The following AIM2 variants were observed in gnomAD, a reference collection of about 807,000 sequenced individuals.
AIM2 encodes interferon-inducible protein AIM2.
AIM2 carries 30 observed loss-of-function variants against 27.7 expected under a neutral mutation model. The observed-to-expected ratio is 1.08, with a 90% CI of 0.81 to 1.47. The LOEUF is 1.47. AIM2 is among the 40% of genes most tolerant of loss of function. AIM2 has a pLI of 0.00. For synonymous variants in AIM2, 141 were observed against 145.3 expected (o/e 0.97, Z 0.21); for missense variants, 358 against 411.3 (o/e 0.87, Z 1.12).
At chr1:159,083,517 T>C (rs767078726) in intron 1 of AIM2, among the ~76,000 whole-genome samples, 2 of 152,184 alleles carry the variant, frequency 1.3e-5, no homozygotes, top group Non-Finnish European at 2.9e-5. Flanking sequence ...ATTAACTGAA[T>C]GAAAATAAAT....
upstream of AIM2, among the ~76,000 whole-genome samples, chr1:159,144,831 C>T (rs993613125): frequency 6.6e-6 from 1 of 152,188 alleles, no homozygotes; most frequent in African/African-American, 2.4e-5. Flanking sequence ...CTACATCCTA[C>T]TGTGGTCTTA....
intron 1 of AIM2, among the ~76,000 whole-genome samples, chr1:159,117,107 G>T (rs1647377407): frequency 6.6e-6 from 1 of 152,174 alleles, no homozygotes. Flanking sequence ...ACTGTAGTTA[G>T]CAGAAATATA....
At position 159,068,600 on chromosome 1, in the gene AIM2, G is replaced by T; in HGVS notation, c.364C>A (p.Arg122Ser). The part of the protein sequence containing the change: ...AAIRNDVAKQ[R>S]AAPKVSPHVK... ...TGAGGAGAGACTTTTGGTGCAGCACGTTGCTTTGCGACATCATTTCTGATG... is the reference window on the plus strand; with the variant it reads ...TGAGGAGAGACTTTTGGTGCAGCACTTTGCTTTGCGACATCATTTCTGATG... Residue 122 changes from arginine (R) to serine (S), a missense_variant, in exon 3 of 6, where the codon CGT becomes AGT. Coordinates refer to ENST00000368130, the MANE Select transcript of AIM2 (RefSeq NM_004833.3). The T allele has an allele frequency of 6.2e-7, 1 of 1,613,738 alleles. No homozygotes were observed. The highest frequency in any genetic ancestry group is 8.5e-7 in the Non-Finnish European group (1 of 1,179,826).
intron 4 of AIM2, among the ~76,000 whole-genome samples, chr1:159,064,705 T>C (rs1656002305): frequency 1.3e-5 from 2 of 152,188 alleles, no homozygotes; most frequent in Non-Finnish European, 2.9e-5. Flanking sequence ...ACTCAGGTGA[T>C]CCATGCGCCT....
chr1:159,116,892 G>T (rs1647366966), intron 1 of AIM2, among the ~76,000 whole-genome samples: 1 of 151,664 alleles, frequency 6.6e-6, no homozygotes, highest in Non-Finnish European at 1.5e-5. Context: ...CTGTATTAAG[G>T]TCCCCTGAAT....
chr1:159,066,388 C>T, intron 3 of AIM2, 59 bp from the exon 4 acceptor site: 1 of 1,518,562 alleles, frequency 6.6e-7, no homozygotes, highest in Non-Finnish European at 8.9e-7. Context: ...TTGAAAGGAC[C>T]TTACTTCACC....
At chr1:159,081,124 C>T, upstream of AIM2, 1 of 231,196 alleles carries the variant, frequency 4.3e-6, no homozygotes, top group Non-Finnish European at 9.8e-6. Flanking sequence ...CACAGTGAAT[C>T]ATCATACTCA....
chr1:159,135,085 A>T (rs1289985315), intron 1 of AIM2, among the ~76,000 whole-genome samples: 1 of 152,172 alleles, frequency 6.6e-6, no homozygotes, highest in Non-Finnish European at 1.5e-5. Context: ...TTGCAGCTTT[A>T]CATGTTTTTC....
At chr1:159,144,312 T>C (rs1192162694), upstream of AIM2, among the ~76,000 whole-genome samples, 1 of 152,188 alleles carries the variant, frequency 6.6e-6, no homozygotes, top group African/African-American at 2.4e-5. Flanking sequence ...ATACTTATAA[T>C]GTATATCAAC....
chr1:159,100,910 T>A (rs184582145), intron 1 of AIM2, among the ~76,000 whole-genome samples: 140 of 152,338 alleles, frequency 9.2e-4, no homozygotes, highest in African/African-American at 3.2e-3. Flanking sequence ...GAAATTTCTG[T>A]CACTGGATTT....
chr1:159,119,812 G>A (rs920027791), intron 1 of AIM2, among the ~76,000 whole-genome samples: 2 of 151,934 alleles, frequency 1.3e-5, no homozygotes, highest in Non-Finnish European at 2.9e-5. Flanking sequence ...GTGTGTGTGT[G>A]GGTGTGTGTG....
At chr1:159,124,660 A>C (rs1647636713) in intron 1 of AIM2, among the ~76,000 whole-genome samples, 4 of 152,168 alleles carry the variant, frequency 2.6e-5, no homozygotes, top group Admixed American at 2.0e-4. Context: ...CTTTTATTTC[A>C]GTTTTCTGTT....
chr1:159,061,652 G>A (rs375836811), downstream of AIM2, among the ~76,000 whole-genome samples: 36 of 139,986 alleles, frequency 2.6e-4, no homozygotes, highest in African/African-American at 7.6e-4. Flanking sequence ...TGATCCACCC[G>A]CCAGGGCCTC....
intron 1 of AIM2, among the ~76,000 whole-genome samples, chr1:159,121,177 G>A (rs1480693344): frequency 6.6e-6 from 1 of 152,176 alleles, no homozygotes; most frequent in East Asian, 1.9e-4. Flanking sequence ...AATTATTCAA[G>A]ACAAATGAGT....
At chr1:159,083,255 G>C (rs1045672453) in intron 1 of AIM2, among the ~76,000 whole-genome samples, 3 of 152,150 alleles carry the variant, frequency 2.0e-5, no homozygotes, top group Non-Finnish European at 4.4e-5. Flanking sequence ...TGATGTACAT[G>C]TATTTGTAAG....
At chr1:159,073,824 C>A (rs143891965) in intron 1 of AIM2, among the ~76,000 whole-genome samples, 8,711 of 152,162 alleles carry the variant, frequency 0.057, 584 homozygotes, top group East Asian at 0.31. Context: ...GGATCACCTG[C>A]GGTCAGGAGT....
At chr1:159,074,560 G>A (rs137961341) in intron 1 of AIM2, among the ~76,000 whole-genome samples, 48 of 151,774 alleles carry the variant, frequency 3.2e-4, no homozygotes, top group African/African-American at 1.0e-3. Context: ...CCAAAATCAC[G>A]TTGTAGTAAT....
intron 1 of AIM2, among the ~76,000 whole-genome samples, chr1:159,099,627 G>C (rs186461431): frequency 1.3e-5 from 2 of 152,094 alleles, no homozygotes; most frequent in African/African-American, 4.8e-5. Context: ...TTAATGGGCT[G>C]GTGTCTGCTC....
intron 1 of AIM2, among the ~76,000 whole-genome samples, chr1:159,089,202 T>A (rs1265745979): frequency 1.3e-5 from 2 of 152,208 alleles, no homozygotes; most frequent in African/African-American, 4.8e-5. Context: ...ATTATTTCAA[T>A]TTAATATTCC....
Sources: gnomAD v4.1 joint callset for allele counts (sites outside exome capture counted in the v4.1 genomes callset) on GRCh38, gnomAD v4.1.1 for gene constraint, MANE v1.5 for transcripts, NCBI Gene and HGNC (gene_info 2026-07-23, HGNC 2026-07-21) for gene names.